POLR3B: variants seen among roughly 807,000 people sequenced by gnomAD.
The protein encoded by POLR3B is DNA-directed RNA polymerase III subunit RPC2.
A neutral mutation model predicts 147.4 loss-of-function variants in POLR3B; 96 were observed. The ratio of observed to expected loss-of-function variants is 0.65; its 90% confidence interval spans 0.55 to 0.77. POLR3B has a LOEUF of 0.77. Among genes scored for constraint, POLR3B ranks in the 30% least tolerant of loss-of-function variants. POLR3B has a pLI of 0.00. For synonymous variants in POLR3B, 461 were observed against 485.9 expected (o/e 0.95, Z 0.67); for missense variants, 1,036 against 1,413.5 (o/e 0.73, Z 4.28).
chr12:106,426,222 T>TGTGTGTGTGTG (rs1555213087), intron 12 of POLR3B, among the ~76,000 whole-genome samples: 3 of 131,222 alleles, frequency 2.3e-5, no homozygotes, highest in East Asian at 4.6e-4. Flanking sequence ...GGCCTGCAAT[T>TGTGTGTGTGTG]TGTGTGTGTG....
intron 10 of POLR3B, among the ~76,000 whole-genome samples, chr12:106,401,364 G>A (rs2136926241): frequency 6.6e-6 from 1 of 152,278 alleles, no homozygotes; most frequent in Middle Eastern, 3.4e-3. Flanking sequence ...TCCAGGACCA[G>A]ATGGATTCTA....
At chr12:106,384,477 C>T (rs571549659) in intron 9 of POLR3B, among the ~76,000 whole-genome samples, 2 of 152,288 alleles carry the variant, frequency 1.3e-5, no homozygotes, top group South Asian at 4.1e-4. Flanking sequence ...CACAGATATG[C>T]ACTGACACAG....
chr12:106,407,982 T>G (rs2037172329), intron 11 of POLR3B, among the ~76,000 whole-genome samples: 1 of 152,178 alleles, frequency 6.6e-6, no homozygotes, highest in African/African-American at 2.4e-5. Flanking sequence ...TTGGACAGTA[T>G]TTACCTAAAT....
chr12:106,399,783 A>T (rs1382926066), intron 10 of POLR3B, among the ~76,000 whole-genome samples: 3 of 152,164 alleles, frequency 2.0e-5, no homozygotes, highest in East Asian at 3.8e-4. Flanking sequence ...ATGCTGAGAG[A>T]CTTTGTCACC....
chr12:106,453,481 G>A (rs990158804), intron 19 of POLR3B, among the ~76,000 whole-genome samples: 3 of 152,072 alleles, frequency 2.0e-5, no homozygotes, highest in Non-Finnish European at 4.4e-5. Flanking sequence ...TGGTGTGTAT[G>A]TGTCACTATG....
rs1302502150 is a variant in POLR3B at position 106,475,449 on chromosome 12, T to C, written c.2713+11829T>C. Among the ~76,000 whole-genome samples, 2 of 104,784 alleles carry C rather than the reference T, an allele frequency of 1.9e-5. 1 individual carries two copies. Among genetic ancestry groups the C allele is most frequent in the African/African-American group, 1.1e-4 (2 of 18,980 alleles). The allele number at this position is 104,784 out of a possible 152,430, so 68.7% of individuals were successfully genotyped here. A position where few individuals can be genotyped will look rare whatever the true frequency, so the allele number is the denominator to read the frequency against. On this transcript the variant is annotated intron_variant, in intron 23 of 27. Transcript: ENST00000228347. ...TGACTTTCTGTCTCATTGATCTGTC[T>C]AATGTTGACAGTGGGGTGTTAAATT...
chr12:106,505,932 A>G (rs1488108036), intron 27 of POLR3B, among the ~76,000 whole-genome samples: 1 of 152,216 alleles, frequency 6.6e-6, no homozygotes, highest in African/African-American at 2.4e-5. Flanking sequence ...TGCCAGATAA[A>G]TGTCAAAACT....
intron 23 of POLR3B, among the ~76,000 whole-genome samples, chr12:106,495,111 T>C (rs2038459970): frequency 6.6e-6 from 1 of 152,220 alleles, no homozygotes. Context: ...TTTGTTTTCT[T>C]AGTCCAATGA....
intron 27 of POLR3B, among the ~76,000 whole-genome samples, chr12:106,506,383 C>G (rs554470841): frequency 2.6e-5 from 4 of 152,028 alleles, no homozygotes; most frequent in Non-Finnish European, 5.9e-5. Context: ...CTCTTCCTCC[C>G]CCTTGCATTC....
intron 23 of POLR3B, among the ~76,000 whole-genome samples, chr12:106,477,968 G>A (rs1037939974): frequency 1.6e-5 from 2 of 125,724 alleles, no homozygotes; most frequent in African/African-American, 3.1e-5. Context: ...GCAGTGGCTC[G>A]ATCTCAGCTC....
chr12:106,366,887 T>C (rs1210093231), intron 4 of POLR3B, among the ~76,000 whole-genome samples, 165 bp downstream of exon 4: 1 of 152,192 alleles, frequency 6.6e-6, no homozygotes, highest in Non-Finnish European at 1.5e-5. Context: ...GCAAATCACC[T>C]GGGGTCAAGA....
chr12:106,499,662 GA>G (rs1452740574), intron 25 of POLR3B, among the ~76,000 whole-genome samples: 2 of 152,222 alleles, frequency 1.3e-5, no homozygotes, highest in Non-Finnish European at 2.9e-5. Context: ...GAGCAGGAAA[GA>G]ATCTTGTTCT....
At chr12:106,469,988 T>C (rs1055394896) in intron 23 of POLR3B, among the ~76,000 whole-genome samples, 1 of 152,194 alleles carries the variant, frequency 6.6e-6, no homozygotes. Flanking sequence ...TGAATTTGAA[T>C]GTTGGCCTGC....
intron 9 of POLR3B, among the ~76,000 whole-genome samples, chr12:106,384,384 A>C (rs995950137): frequency 2.6e-5 from 4 of 152,216 alleles, no homozygotes; most frequent in African/African-American, 9.6e-5. Context: ...AGTATTTGCA[A>C]ATTCCTTATT....
chr12:106,492,279 T>A (rs114219370), intron 23 of POLR3B, among the ~76,000 whole-genome samples: 2,841 of 152,288 alleles, frequency 0.019, 47 homozygotes, highest in African/African-American at 0.031. Flanking sequence ...TTAGGAATAC[T>A]TTTTAAGCCA....
Position 106,483,297 on chromosome 12 carries a change from G to A in POLR3B, c.2714-12758G>A, listed in dbSNP as rs369631470. 2.0e-4 allele frequency among the ~76,000 whole-genome samples: 30 copies of A among 152,220 alleles called. No individual in the cohort carries two copies. The East Asian group carries it at 4.6e-3, about 23-fold the overall frequency. ...GTCAACTGTATACATGCCCACCCAC[G>A]TCCATCCCAGGCACAAATGAGAACC... On this transcript the variant is annotated intron_variant, in intron 23 of 27. Transcript: ENST00000228347.
chr12:106,509,640 A>G lies in POLR3B; in HGVS notation c.*91A>G. On this transcript the variant is annotated 3_prime_UTR_variant, in exon 28 of 28. Transcript: ENST00000228347. ...TTTAGGACTACGTCTCCTCCTGTGA[A>G]GAATTCCCTTGCGTATTCTCTCTCT... The G allele has an allele frequency of 8.4e-7, 1 of 1,190,344 alleles. No homozygotes were observed. The highest frequency in any genetic ancestry group is 1.2e-6 in the Non-Finnish European group (1 of 816,310). The allele number at this position is 1,190,344 out of a possible 1,614,324, so 73.7% of individuals were successfully genotyped here.
rs142137324 is a variant in POLR3B, at chr12:106,384,868, C to T, written c.723+4729C>T. On this transcript the variant is annotated intron_variant, in intron 9 of 27. Coordinates refer to ENST00000228347, the MANE Select transcript of POLR3B (RefSeq NM_018082.6). ...TTTGAGATGGCGTTTCGCTCTTTCA[C>T]CCAGGCTGGAGTGGAATGGCGTGAT... Among the ~76,000 whole-genome samples, 783 of 150,510 alleles carry T rather than the reference C, an allele frequency of 5.2e-3. 5 individuals carry two copies. The highest frequency in any genetic ancestry group is 0.018 in the African/African-American group (752 of 40,882).
rs759539441 is a variant in POLR3B at position 106,496,794 on chromosome 12, C to T, written c.2860C>T (p.Leu954=). ...IELLAGKAGV[L]DGRFHYGTAF... Reference sequence around the variant, plus strand: ...GCTGCTGGCTGGCAAGGCCGGTGTGCTGGACGGCAGATTCCACTACGGCAC... The same window carrying T: ...GCTGCTGGCTGGCAAGGCCGGTGTGTTGGACGGCAGATTCCACTACGGCAC... Residue 954 remains leucine, a synonymous_variant, in exon 25 of 28, where the codon CTG becomes TTG. Coordinates refer to ENST00000228347, the MANE Select transcript of POLR3B (RefSeq NM_018082.6). 4.7e-5 allele frequency: 76 copies of T among 1,614,122 alleles called. No homozygotes were observed. In the East Asian group the frequency reaches 1.7e-3, roughly 35 times the overall value.
Sources: gnomAD v4.1 joint callset for allele counts (sites outside exome capture counted in the v4.1 genomes callset) on GRCh38, gnomAD v4.1.1 for gene constraint, MANE v1.5 for transcripts, NCBI Gene and HGNC (gene_info 2026-07-23, HGNC 2026-07-21) for gene names.